The following DLGAP2 variants were observed in gnomAD, a reference collection of about 807,000 sequenced individuals.
DLGAP2 encodes the protein disks large-associated protein 2.
In DLGAP2, 26 loss-of-function variants were observed where a neutral mutation model predicts 100.3. That is an observed-to-expected ratio of 0.26 (90% CI 0.19 to 0.36). The LOEUF (loss-of-function observed/expected upper bound fraction) is 0.36. Ranked by LOEUF, DLGAP2 falls within the 10% of genes least tolerant of loss-of-function variation. DLGAP2 has a pLI of 1.00. For synonymous variants in DLGAP2, 886 were observed against 630.1 expected, an observed-to-expected ratio of 1.41 and a Z score of -6.08; for missense variants, 1,858 against 1,453.2, an observed-to-expected ratio of 1.28 and a Z score of -4.53.
chr8:1,501,621 G>T (rs1799726514), intron 4 of DLGAP2, among the ~76,000 whole-genome samples, 190 bp downstream of exon 4: 1 of 152,238 alleles, frequency 6.6e-6, no homozygotes, highest in Non-Finnish European at 1.5e-5. Flanking sequence ...GGAAGTGCTA[G>T]GTGAGGAAGG....
intron 1 of DLGAP2, among the ~76,000 whole-genome samples, chr8:790,067 G>A (rs1302035962): frequency 6.6e-6 from 1 of 152,202 alleles, no homozygotes; most frequent in Non-Finnish European, 1.5e-5. Context: ...CTTGGCTCCT[G>A]TTCTACACTC....
chr8:1,205,608 G>C (rs1376600980), intron 2 of DLGAP2, among the ~76,000 whole-genome samples: 1 of 152,178 alleles, frequency 6.6e-6, no homozygotes, highest in Non-Finnish European at 1.5e-5. Context: ...CTGCCGCTGG[G>C]ACGTGGTGCG....
intron 10 of DLGAP2, among the ~76,000 whole-genome samples, chr8:1,672,133 C>T (rs1798704382): frequency 6.6e-6 from 1 of 152,166 alleles, no homozygotes; most frequent in African/African-American, 2.4e-5. Flanking sequence ...GGACGGAGGC[C>T]TGGTCTAACA....
intron 2 of DLGAP2, among the ~76,000 whole-genome samples, chr8:1,085,135 G>A (rs1313359077): frequency 6.6e-6 from 1 of 152,186 alleles, no homozygotes; most frequent in Non-Finnish European, 1.5e-5. Context: ...TTTCCTACAT[G>A]TGCCTGTTGG....
chr8:1,227,039 G>A (rs1158835809), intron 2 of DLGAP2, among the ~76,000 whole-genome samples: 4 of 149,268 alleles, frequency 2.7e-5, no homozygotes, highest in Non-Finnish European at 5.9e-5. Context: ...TCACCACCTC[G>A]GAAATATATC....
chr8:1,491,383 T>TCCCCCTGACCCCGGGGGCTTCGGGCC (rs1563180305), intron 3 of DLGAP2, among the ~76,000 whole-genome samples: 1 of 149,114 alleles, frequency 6.7e-6, no homozygotes, highest in African/African-American at 2.5e-5. Context: ...GGCTTCGGGC[T>TCCCCCTGACCCCGGGGGCTTCGGGCC]GCTCCCCCTG....
At chr8:1,320,905 AG>A (rs933026363) in intron 3 of DLGAP2, among the ~76,000 whole-genome samples, 1 of 151,940 alleles carries the variant, frequency 6.6e-6, no homozygotes, top group South Asian at 2.1e-4. Context: ...ACAGGTGTGT[AG>A]GGGCATGTGT....
At chr8:1,349,728 C>G (rs1348718261) in intron 3 of DLGAP2, among the ~76,000 whole-genome samples, 3 of 152,102 alleles carry the variant, frequency 2.0e-5, no homozygotes, top group East Asian at 3.8e-4. Flanking sequence ...CCGCCCACAT[C>G]CACACACAGG....
intron 13 of DLGAP2, among the ~76,000 whole-genome samples, chr8:1,694,609 C>T (rs1313046307): frequency 6.6e-6 from 1 of 152,158 alleles, no homozygotes; most frequent in Non-Finnish European, 1.5e-5. Context: ...GAAACTTAGT[C>T]TCATTCACAC....
At chr8:1,555,846 T>G (rs1801946197) in intron 5 of DLGAP2, among the ~76,000 whole-genome samples, 1 of 152,376 alleles carries the variant, frequency 6.6e-6, no homozygotes, top group South Asian at 2.1e-4. Flanking sequence ...TGTCTGGTTT[T>G]GGGTTGTTGG....
At chr8:1,276,885 C>T (rs1365145324) in intron 3 of DLGAP2, among the ~76,000 whole-genome samples, 3 of 152,102 alleles carry the variant, frequency 2.0e-5, no homozygotes, top group Admixed American at 1.3e-4. Context: ...CATGTTGTGG[C>T]AGAGTTTTCA....
At chr8:794,681 G>A (rs1224162697) in intron 1 of DLGAP2, among the ~76,000 whole-genome samples, 1 of 152,200 alleles carries the variant, frequency 6.6e-6, no homozygotes, top group Non-Finnish European at 1.5e-5. Flanking sequence ...GGGCATTAGG[G>A]CCATTATGAA....
intron 2 of DLGAP2, among the ~76,000 whole-genome samples, chr8:1,244,143 C>T (rs894047241): frequency 1.3e-5 from 2 of 152,202 alleles, no homozygotes; most frequent in East Asian, 1.9e-4. Flanking sequence ...GGTGTGGGCT[C>T]CTGTACATGC....
chr8:795,709 G>GAGAGCAGGCGTCCAGGA (rs1796015002), intron 1 of DLGAP2, among the ~76,000 whole-genome samples: 1 of 68,256 alleles, frequency 1.5e-5, no homozygotes, highest in Non-Finnish European at 3.0e-5. Flanking sequence ...GGCGTCCAGT[G>GAGAGCAGGCGTCCAGGA]AGAGCAGGCG....
chr8:1,371,890 G>A (rs972798539), intron 3 of DLGAP2, among the ~76,000 whole-genome samples: 1 of 152,248 alleles, frequency 6.6e-6, no homozygotes, highest in Non-Finnish European at 1.5e-5. Context: ...GCATCACACA[G>A]ATCAGCGACA....
At chr8:1,514,281 T>A (rs1334276937) in intron 4 of DLGAP2, among the ~76,000 whole-genome samples, 1 of 152,258 alleles carries the variant, frequency 6.6e-6, no homozygotes, top group African/African-American at 2.4e-5. Context: ...CTTATGCGAC[T>A]ATTCCCAGAA....
At chr8:1,001,071 T>C (rs1177003565) in intron 2 of DLGAP2, among the ~76,000 whole-genome samples, 1 of 152,210 alleles carries the variant, frequency 6.6e-6, no homozygotes, top group African/African-American at 2.4e-5. Flanking sequence ...CTTCTCTGAG[T>C]GGCAATGACA....
intron 4 of DLGAP2, 73 bp from the exon 5 acceptor site, chr8:1,548,553 G>T (rs1467804112): frequency 1.5e-6 from 2 of 1,352,452 alleles, no homozygotes; most frequent in Non-Finnish European, 1.9e-6. Flanking sequence ...CACGGTGGGG[G>T]TCACATATTC....
At chr8:745,515 G>C (rs1283690334) in intron 1 of DLGAP2, among the ~76,000 whole-genome samples, 5 of 152,166 alleles carry the variant, frequency 3.3e-5, no homozygotes, top group African/African-American at 1.2e-4. Context: ...ATTTTCTCAA[G>C]AGTCGCAGCA....
Sources: gnomAD v4.1 joint callset for allele counts (sites outside exome capture counted in the v4.1 genomes callset) on GRCh38, gnomAD v4.1.1 for gene constraint, MANE v1.5 for transcripts, NCBI Gene and HGNC (gene_info 2026-07-23, HGNC 2026-07-21) for gene names.